PDE1C: variants seen among roughly 807,000 people sequenced by gnomAD.
PDE1C encodes the protein dual specificity calcium/calmodulin-dependent 3',5'-cyclic nucleotide phosphodiesterase 1C.
Under a neutral mutation model 93.1 loss-of-function variants are expected in PDE1C, and 62 were observed. That is an observed-to-expected ratio of 0.67 (90% CI 0.54 to 0.82). PDE1C has a LOEUF of 0.82. Ranked by LOEUF, PDE1C falls within the 40% of genes least tolerant of loss-of-function variation. PDE1C has a pLI of 0.00. For missense variants in PDE1C, 742 were observed against 884.6 expected (o/e 0.84, Z 2.04); for synonymous variants, 325 against 310.1 (o/e 1.05, Z -0.50).
the PDE1C span, among the ~76,000 whole-genome samples, chr7:31,620,866 TTAGACGAATG>T: frequency 1.3e-5 from 2 of 151,902 alleles, no homozygotes; most frequent in African/African-American, 2.4e-5. Context: ...TGAAAAAAAT[TTAGACGAATG>T]TATAACTAGA....
chr7:32,180,678 G>A (rs956572716), intron 2 of PDE1C, among the ~76,000 whole-genome samples: 9 of 152,172 alleles, frequency 5.9e-5, no homozygotes, highest in Non-Finnish European at 1.3e-4. Flanking sequence ...AAATTACCCA[G>A]TCTCAGGTAT....
At chr7:32,339,752 G>A (rs1353497602) in intron 1 of PDE1C, among the ~76,000 whole-genome samples, 1 of 152,116 alleles carries the variant, frequency 6.6e-6, no homozygotes, top group Non-Finnish European at 1.5e-5. Flanking sequence ...TTGAAAAGAA[G>A]CACAGAGATG....
chr7:31,921,938 G>A (rs1224952172), intron 2 of PDE1C, among the ~76,000 whole-genome samples: 1 of 152,118 alleles, frequency 6.6e-6, no homozygotes, highest in Admixed American at 6.5e-5. Context: ...ACAAGTCTAT[G>A]AGATACGTAT....
At position 31,841,227 on chromosome 7, in the gene PDE1C, C is replaced by CTATATA. The variant is rs1554361935; in HGVS notation, c.981-3262_981-3257dup. On this transcript the variant is annotated intron_variant, in intron 9 of 17. Transcript: ENST00000396191. ...TCTCTCTGTCTCTCTCTCTCTCTCT[C>CTATATA]TATATATATATATATATGTATATGT... 3.9e-4 allele frequency among the ~76,000 whole-genome samples: 55 copies of CTATATA among 142,286 alleles called. No homozygotes were observed. In the South Asian group the frequency reaches 4.5e-3, roughly 12 times the overall value. The allele number at this position is 142,286 out of a possible 152,430, so 93.3% of individuals were successfully genotyped here.
the PDE1C span, among the ~76,000 whole-genome samples, chr7:31,736,415 C>G: frequency 6.6e-6 from 1 of 152,196 alleles, no homozygotes; most frequent in Non-Finnish European, 1.5e-5. Context: ...TTCACTCCTA[C>G]TGGATCCACC....
intron 1 of PDE1C, among the ~76,000 whole-genome samples, chr7:32,294,030 G>A (rs215600): frequency 0.55 from 83,228 of 151,756 alleles, 25,161 homozygotes; most frequent in Admixed American, 0.67. Flanking sequence ...CACACCCCCA[G>A]TGTATGCAGC....
At chr7:31,638,091 A>G in the PDE1C span, among the ~76,000 whole-genome samples, 4 of 152,210 alleles carry the variant, frequency 2.6e-5, no homozygotes, top group African/African-American at 9.6e-5. Context: ...GGCCATTTGC[A>G]TAGTACTGAA....
chr7:31,907,138 A>G (rs1800705585), intron 2 of PDE1C, among the ~76,000 whole-genome samples: 1 of 151,550 alleles, frequency 6.6e-6, no homozygotes, highest in African/African-American at 2.4e-5. Flanking sequence ...GATGATGGGA[A>G]ATTCTGACCC....
At chr7:32,403,123 T>C (rs1235893859) in intron 1 of PDE1C, among the ~76,000 whole-genome samples, 5 of 152,306 alleles carry the variant, frequency 3.3e-5, no homozygotes, top group East Asian at 1.9e-4. Flanking sequence ...TCCATGATCA[T>C]CCCACGAATT....
Position 32,119,127 on chromosome 7 carries a change from C to T in PDE1C, c.308+50658G>A, listed in dbSNP as rs566442745. Among the ~76,000 whole-genome samples the T allele has an allele frequency of 1.1e-4, 17 of 152,256 alleles. No individual in the cohort carries two copies. The South Asian group carries it at 2.9e-3, about 26-fold the overall frequency. ...TCTCCCACTGAATCCCTGCCGTTCACATCAATCATGGATATCCTTGGACAT... is the reference window on the plus strand; with the variant it reads ...TCTCCCACTGAATCCCTGCCGTTCATATCAATCATGGATATCCTTGGACAT... On this transcript the variant is annotated intron_variant, in intron 3 of 18. Coordinates refer to the PDE1C transcript ENST00000396193.
chr7:31,981,464 GTAAT>G (rs1404179457), intron 2 of PDE1C, among the ~76,000 whole-genome samples: 1 of 152,140 alleles, frequency 6.6e-6, no homozygotes, highest in East Asian at 1.9e-4. Context: ...AATTTCAACT[GTAAT>G]TAATCTCCTT....
intron 2 of PDE1C, among the ~76,000 whole-genome samples, chr7:32,019,632 T>C (rs1435055001): frequency 6.6e-6 from 1 of 151,980 alleles, no homozygotes; most frequent in Non-Finnish European, 1.5e-5. Flanking sequence ...GGGAAAGAAA[T>C]GATAGTTTGA....
chr7:32,323,494 C>T (rs1248731273), intron 1 of PDE1C, among the ~76,000 whole-genome samples: 1 of 152,092 alleles, frequency 6.6e-6, no homozygotes, highest in East Asian at 1.9e-4. Context: ...AAATACCCAC[C>T]CCTGAGGGAG....
chr7:32,189,928 T>TA (rs1804124378), intron 2 of PDE1C, among the ~76,000 whole-genome samples: 1 of 152,226 alleles, frequency 6.6e-6, no homozygotes, highest in Non-Finnish European at 1.5e-5. Flanking sequence ...TTAACTTTTG[T>TA]ATCTACTTCT....
At chr7:31,747,661 G>A (rs112180457), downstream of PDE1C, among the ~76,000 whole-genome samples, 1,537 of 152,216 alleles carry the variant, frequency 0.01, 32 homozygotes, top group African/African-American at 0.035. Context: ...GAAGGCTCCA[G>A]GGCTCTGAGT....
intron 1 of PDE1C, among the ~76,000 whole-genome samples, chr7:32,381,730 A>G (rs1374845360): frequency 1.3e-5 from 2 of 152,082 alleles, no homozygotes; most frequent in Non-Finnish European, 2.9e-5. Context: ...TCTCCAGCCC[A>G]TTTTCTCTGC....
At chr7:31,884,287 GA>G (rs201231305) in intron 2 of PDE1C, among the ~76,000 whole-genome samples, 4 of 148,248 alleles carry the variant, frequency 2.7e-5, no homozygotes, top group East Asian at 2.0e-4. Context: ...ATTCACTTTT[GA>G]AAAAAAAAAT....
At chr7:32,421,806 T>G (rs762543024) in intron 1 of PDE1C, among the ~76,000 whole-genome samples, 20 of 152,216 alleles carry the variant, frequency 1.3e-4, no homozygotes, top group Non-Finnish European at 2.2e-4. Context: ...TTAAAGAGGC[T>G]GTCTAGGGGC....
At chr7:31,651,849 A>C in the PDE1C span, 1 of 842,568 alleles carries the variant, frequency 1.2e-6, no homozygotes, top group Non-Finnish European at 1.9e-6. Flanking sequence ...AAGAAATTGC[A>C]AAGGAAGAAC....
Sources: allele counts gnomAD v4.1 joint callset (sites outside exome capture counted in the v4.1 genomes callset), GRCh38; gene constraint gnomAD v4.1.1; transcripts MANE v1.5; gene names NCBI Gene and HGNC (gene_info 2026-07-23, HGNC 2026-07-21).